GBP5: variants seen among roughly 807,000 people sequenced by gnomAD.
GBP5 encodes guanylate-binding protein 5.
Under a neutral mutation model 58.2 loss-of-function variants are expected in GBP5, and 48 were observed. That is an observed-to-expected ratio of 0.83 (90% CI 0.65 to 1.05). The LOEUF (loss-of-function observed/expected upper bound fraction) is 1.05, where lower values mean the gene tolerates loss of function less well. Ranked by LOEUF, GBP5 falls within the 50% of genes least tolerant of loss-of-function variation. The pLI is 0.00. For synonymous variants in GBP5, 248 were observed against 251.8 expected (o/e 0.98, Z 0.14); for missense variants, 714 against 686.8 (o/e 1.04, Z -0.44).
intron 9 of GBP5, 39 bp downstream of exon 9, chr1:89,263,697 C>T: frequency 7.0e-7 from 1 of 1,431,436 alleles, no homozygotes; most frequent in Non-Finnish European, 9.8e-7. Flanking sequence ...ACAAAGAGGT[C>T]CCTCAGCAAT....
At position 89,258,569 on chromosome 1, in the gene GBP5, A is replaced by G. The variant is rs1649874508; in HGVS notation, c.*2135T>C. Among the ~76,000 whole-genome samples the G allele has an allele frequency of 6.6e-6, 1 of 152,186 alleles. No homozygotes were observed. The highest frequency in any genetic ancestry group is 2.1e-4 in the South Asian group (1 of 4,830). On this transcript the variant is annotated 3_prime_UTR_variant, in exon 12 of 12. Transcript: ENST00000370459. ...TAGCACCACATCCTATCTGATATGAAAAATTCCTCATATTAAAGCTCTTCA... is the reference window on the plus strand; with the variant it reads ...TAGCACCACATCCTATCTGATATGAGAAATTCCTCATATTAAAGCTCTTCA...
intron 11 of GBP5, 80 bp downstream of exon 11, chr1:89,262,140 C>T (rs770411594): frequency 1.4e-6 from 2 of 1,380,674 alleles, no homozygotes; most frequent in Non-Finnish European, 2.0e-6. Context: ...GCCACAAGAT[C>T]TTGCTGCCTC....
intron 8 of GBP5, 54 bp downstream of exon 8, chr1:89,264,632 C>G: frequency 6.7e-7 from 1 of 1,502,586 alleles, no homozygotes. Flanking sequence ...TCATTCAAAG[C>G]AATACTTTGC....
intron 7 of GBP5, 125 bp downstream of exon 7, chr1:89,266,221 A>G (rs1650206044): frequency 1.3e-6 from 1 of 776,444 alleles, no homozygotes. Context: ...AATATGATAC[A>G]TATGATTTTC....
chr1:89,262,786 C>T lies in GBP5; in HGVS notation c.1363-1G>A, dbSNP rs1650060398. The stretch of plus-strand genomic sequence containing the variant: ...AATATTTCTGCAGAACTTCTTCAGC[C>T]TAGCAACCCGGAAAACATGCAGTTA... On this transcript the variant is annotated splice_acceptor_variant, in intron 9 of 11. Coordinates refer to ENST00000370459, the MANE Select transcript of GBP5 (RefSeq NM_052942.5). LOFTEE classifies it high-confidence loss of function. 2 of 1,547,486 alleles carry T rather than the reference C, an allele frequency of 1.3e-6. No homozygotes were observed. Among genetic ancestry groups the T allele is most frequent in the African/African-American group, 1.4e-5 (1 of 71,100 alleles).
chr1:89,269,812 A>C (rs553689032), intron 2 of GBP5: 1 of 276,918 alleles, frequency 3.6e-6, no homozygotes, highest in South Asian at 1.5e-4. Context: ...GTTCTTAAAT[A>C]TTTGATAGGC....
chr1:89,262,944 C>T (rs932548736), intron 9 of GBP5, 159 bp from the exon 10 acceptor site: 1 of 489,398 alleles, frequency 2.0e-6, no homozygotes, highest in Non-Finnish European at 3.6e-6. Context: ...CAGGCTTCCA[C>T]CCTGCACTTG....
chr1:89,270,387 G>A (rs901197728), intron 2 of GBP5: 3 of 152,132 alleles, frequency 2.0e-5, no homozygotes, highest in African/African-American at 7.2e-5. Flanking sequence ...TATTTACTAA[G>A]GATGCTAAAA....
chr1:89,265,045 A>G, intron 7 of GBP5, 79 bp from the exon 8 acceptor site: 1 of 1,334,410 alleles, frequency 7.5e-7, no homozygotes, highest in Non-Finnish European at 1.0e-6. Context: ...GAGAACGTAC[A>G]TTTAATAGTT....
chr1:89,264,545 A>G, intron 8 of GBP5, 141 bp downstream of exon 8: 1 of 725,968 alleles, frequency 1.4e-6, no homozygotes, highest in Non-Finnish European at 2.2e-6. Context: ...ATTTGTTTTC[A>G]GAATAAAAGT....
intron 11 of GBP5, among the ~76,000 whole-genome samples, chr1:89,261,344 G>C (rs908002586): frequency 6.6e-6 from 1 of 152,174 alleles, no homozygotes; most frequent in South Asian, 2.1e-4. Flanking sequence ...ATATTTTAGA[G>C]TAACTTCTGA....
chr1:89,269,252 C>T (rs1048018862), intron 3 of GBP5, 114 bp downstream of exon 3: 7 of 1,043,266 alleles, frequency 6.7e-6, no homozygotes, highest in Non-Finnish European at 1.0e-5. Context: ...GTAGCCTAAA[C>T]ATTGGCTTTT....
At chr1:89,269,227 A>G in intron 3 of GBP5, 139 bp downstream of exon 3, 1 of 833,768 alleles carries the variant, frequency 1.2e-6, no homozygotes, top group East Asian at 2.6e-5. Flanking sequence ...CTTCCAAAAG[A>G]TAAAAAGACC....
intron 10 of GBP5, 98 bp from the exon 11 acceptor site, chr1:89,262,499 C>T (rs943986956): frequency 8.4e-7 from 1 of 1,191,804 alleles, no homozygotes; most frequent in Admixed American, 2.3e-5. Context: ...GATAAAATTC[C>T]CAGGGGTTGT....
intron 11 of GBP5, 48 bp from the exon 12 acceptor site, chr1:89,260,865 C>T (rs1649984176): frequency 1.5e-6 from 2 of 1,298,648 alleles, no homozygotes; most frequent in Non-Finnish European, 2.2e-6. Context: ...TACTGATTGC[C>T]TAAATCACTC....
chr1:89,265,912 T>G (rs756975561), intron 7 of GBP5, among the ~76,000 whole-genome samples: 7 of 152,204 alleles, frequency 4.6e-5, no homozygotes, highest in South Asian at 2.1e-4. Flanking sequence ...CCCAAAAGTC[T>G]GCTTAGATTT....
intron 7 of GBP5, among the ~76,000 whole-genome samples, chr1:89,265,846 C>T (rs753431663): frequency 6.6e-6 from 1 of 151,820 alleles, no homozygotes; most frequent in Non-Finnish European, 1.5e-5. Flanking sequence ...TGTTTCCAGT[C>T]AACTTCCTTC....
chr1:89,269,531 C>G lies in GBP5; in HGVS notation c.25G>C (p.Asp9His). 6.2e-7 allele frequency: 1 copy of G among 1,613,572 alleles called. No individual in the cohort carries two copies. Among genetic ancestry groups the G allele is most frequent in the Non-Finnish European group, 8.5e-7 (1 of 1,179,550 alleles). The change falls in exon 3 of 12, where the codon GAC (aspartate) becomes CAC (histidine). Residue 9 changes from aspartate to histidine, a missense_variant. Asp to His is a moderately conservative substitution (Grantham distance 81). Coordinates refer to ENST00000370459, the MANE Select transcript of GBP5 (RefSeq NM_052942.5). MALEIHMSDPMCLIENFNE... is the reference protein window; with the variant it reads MALEIHMSHPMCLIENFNE... ...AAGTTCTCGATGAGGCACATGGGGT[C>G]TGACATGTGGATCTCTAAAGCCATG...
chr1:89,266,617 G>A (rs1650231579), intron 6 of GBP5, 29 bp from the exon 7 acceptor site: 1 of 1,582,388 alleles, frequency 6.3e-7, no homozygotes, highest in Admixed American at 1.8e-5. Flanking sequence ...GATTTATTTA[G>A]CATAGACTTT....
Sources: allele counts gnomAD v4.1 joint callset (sites outside exome capture counted in the v4.1 genomes callset), GRCh38; gene constraint gnomAD v4.1.1; transcripts MANE v1.5; gene names NCBI Gene and HGNC (gene_info 2026-07-23, HGNC 2026-07-21).